CTNNA3: variants seen among roughly 807,000 people sequenced by gnomAD.
The protein encoded by CTNNA3 is catenin alpha-3.
Under a neutral mutation model 95.7 loss-of-function variants are expected in CTNNA3, and 76 were observed. The observed-to-expected ratio is 0.79, with a 90% CI of 0.66 to 0.96. The LOEUF (loss-of-function observed/expected upper bound fraction) is 0.96, where lower values mean the gene tolerates loss of function less well. Among genes scored for constraint, CTNNA3 ranks in the 40% least tolerant of loss-of-function variants. CTNNA3 has a pLI of 0.00. For missense variants in CTNNA3, 1,191 were observed against 1,089.8 expected (o/e 1.09, Z -1.31); for synonymous variants, 431 against 374.4 (o/e 1.15, Z -1.74).
chr10:66,463,429 G>T (rs538560207), intron 11 of CTNNA3, among the ~76,000 whole-genome samples: 15 of 152,248 alleles, frequency 9.9e-5, no homozygotes, highest in African/African-American at 3.6e-4. Flanking sequence ...TGTACAGCCT[G>T]CAGAATTATC....
In CTNNA3 at chr10:65,918,137, C is replaced by T. The variant is rs772338553; in HGVS notation, c.*2193G>A. On this transcript the variant is annotated 3_prime_UTR_variant, in exon 18 of 18. Transcript: ENST00000433211. Reference sequence around the variant, plus strand: ...ACTTTGGGTAAAAAGTCATTTTTATCAAAGAGATGGAGGTTATTTGGTAAT... The same window carrying T: ...ACTTTGGGTAAAAAGTCATTTTTATTAAAGAGATGGAGGTTATTTGGTAAT... The T allele has an allele frequency of 1.8e-4, 28 of 152,028 alleles. No individual in the cohort carries two copies. The highest frequency in any genetic ancestry group is 4.0e-4 in the Non-Finnish European group (27 of 67,996). The allele number at this position is 152,028 out of a possible 1,614,324, so 9.4% of individuals were successfully genotyped here. A position where few individuals can be genotyped will look rare whatever the true frequency, so the allele number is the denominator to read the frequency against.
intron 8 of CTNNA3, among the ~76,000 whole-genome samples, chr10:66,770,339 C>A (rs1007504968): frequency 8.5e-5 from 13 of 152,278 alleles, no homozygotes. Flanking sequence ...CCCAGTGGCA[C>A]AATGCATTCC....
chr10:67,052,402 T>TCA (rs1378410967), intron 7 of CTNNA3, among the ~76,000 whole-genome samples: 2 of 151,710 alleles, frequency 1.3e-5, no homozygotes, highest in Non-Finnish European at 2.9e-5. Context: ...TCCATGGGCT[T>TCA]CACTAGGCTG....
At chr10:66,680,417 A>G (rs1232039721) in intron 9 of CTNNA3, among the ~76,000 whole-genome samples, 3 of 152,194 alleles carry the variant, frequency 2.0e-5, no homozygotes, top group Non-Finnish European at 2.9e-5. Flanking sequence ...AGGTGATAGT[A>G]TAATAACAAA....
intron 5 of CTNNA3, among the ~76,000 whole-genome samples, chr10:67,345,221 T>C (rs889793870): frequency 6.6e-6 from 1 of 152,276 alleles, no homozygotes; most frequent in Non-Finnish European, 1.5e-5. Context: ...GATATTTCAA[T>C]TCTTTTGAAT....
At chr10:66,446,814 G>T (rs2131810366) in intron 11 of CTNNA3, among the ~76,000 whole-genome samples, 1 of 152,200 alleles carries the variant, frequency 6.6e-6, no homozygotes, top group African/African-American at 2.4e-5. Flanking sequence ...AGTGTTGGAA[G>T]TTCTGGCCAG....
intron 6 of CTNNA3, among the ~76,000 whole-genome samples, chr10:67,196,647 AAACCAGCCT>A (rs1863381458): frequency 6.6e-6 from 1 of 152,106 alleles, no homozygotes; most frequent in African/African-American, 2.4e-5. Context: ...TCAGTTAAGC[AAACCAGCCT>A]ATGCACAGCA....
chr10:67,365,377 G>A (rs1331766600), intron 5 of CTNNA3, among the ~76,000 whole-genome samples: 3 of 152,096 alleles, frequency 2.0e-5, no homozygotes, highest in Admixed American at 1.3e-4. Context: ...AGACAAATGG[G>A]ATCTAATTAA....
At chr10:67,258,154 G>C (rs911845003) in intron 5 of CTNNA3, among the ~76,000 whole-genome samples, 1 of 151,994 alleles carries the variant, frequency 6.6e-6, no homozygotes, top group African/African-American at 2.4e-5. Context: ...TTGTTTGTTT[G>C]TTTGTTTGAG....
Position 67,115,739 on chromosome 10 carries a change from T to C in CTNNA3, c.1047+64578A>G, listed in dbSNP as rs184583673. 2.3e-4 allele frequency among the ~76,000 whole-genome samples: 35 copies of C among 151,860 alleles called. 1 individual carries two copies. In the East Asian group the frequency reaches 6.6e-3, roughly 29 times the overall value. ...AAAGAAATTTGTGATAGGAAATGGT[T>C]AAGAGGGTGGGGAGAGAGGGCAAAA... On this transcript the variant is annotated intron_variant, in intron 7 of 17. Transcript: ENST00000433211.
At chr10:67,147,748 C>T (rs916837535) in intron 7 of CTNNA3, among the ~76,000 whole-genome samples, 1 of 151,504 alleles carries the variant, frequency 6.6e-6, no homozygotes, top group Non-Finnish European at 1.5e-5. Flanking sequence ...TTTTCTAGTC[C>T]CAGGAAATTT....
chr10:66,662,200 T>G (rs190417585), intron 9 of CTNNA3, among the ~76,000 whole-genome samples: 2 of 152,312 alleles, frequency 1.3e-5, no homozygotes, highest in East Asian at 1.9e-4. Flanking sequence ...CTACTAAAAT[T>G]CTGCTGCTAA....
At chr10:67,760,140 C>G (rs1841454845) in intron 1 of CTNNA3, among the ~76,000 whole-genome samples, 2 of 152,168 alleles carry the variant, frequency 1.3e-5, no homozygotes, top group Non-Finnish European at 1.5e-5. Flanking sequence ...AAAGTTTCAT[C>G]CAATGGCAGA....
chr10:65,967,465 T>C (rs1670137), intron 16 of CTNNA3, among the ~76,000 whole-genome samples: 28,899 of 152,064 alleles, frequency 0.19, 2,909 homozygotes, highest in South Asian at 0.29. Context: ...CTCTACACTG[T>C]CTGTCCTGTG....
chr10:67,314,915 C>T (rs1270471574), intron 5 of CTNNA3, among the ~76,000 whole-genome samples: 4 of 152,136 alleles, frequency 2.6e-5, no homozygotes, highest in Admixed American at 6.5e-5. Flanking sequence ...TTCTAAGTGG[C>T]CCATTCCAAT....
chr10:67,711,569 A>ATTTC (rs148168392), intron 1 of CTNNA3, among the ~76,000 whole-genome samples: 4 of 141,066 alleles, frequency 2.8e-5, no homozygotes, highest in African/African-American at 1.0e-4. Context: ...GGCAGAAGAA[A>ATTTC]TTTATTTATT....
At chr10:66,078,626 T>C (rs2080626374) in intron 14 of CTNNA3, among the ~76,000 whole-genome samples, 1 of 151,850 alleles carries the variant, frequency 6.6e-6, no homozygotes, top group African/African-American at 2.4e-5. Context: ...AAATAAACTA[T>C]AACTAAGCCA....
At chr10:66,276,973 T>G (rs1274184949) in intron 13 of CTNNA3, among the ~76,000 whole-genome samples, 1 of 152,102 alleles carries the variant, frequency 6.6e-6, no homozygotes, top group African/African-American at 2.4e-5. Context: ...TATTATGCAC[T>G]CTTAATAGTT....
chr10:67,352,915 T>C (rs904206642), intron 5 of CTNNA3, among the ~76,000 whole-genome samples: 1 of 151,992 alleles, frequency 6.6e-6, no homozygotes, highest in Non-Finnish European at 1.5e-5. Context: ...CCATCACAGA[T>C]ATTAATTCCA....
Sources: allele counts gnomAD v4.1 joint callset (sites outside exome capture counted in the v4.1 genomes callset), GRCh38; gene constraint gnomAD v4.1.1; transcripts MANE v1.5; gene names NCBI Gene and HGNC (gene_info 2026-07-23, HGNC 2026-07-21).